SLCO3A1: variants seen among roughly 807,000 people sequenced by gnomAD.
SLCO3A1 encodes the protein PGE1 transporter.
In SLCO3A1, 27 loss-of-function variants were observed where a neutral mutation model predicts 63.1. That is an observed-to-expected ratio of 0.43 (90% CI 0.32 to 0.59). The LOEUF is 0.59. Ranked by LOEUF, SLCO3A1 falls within the 20% of genes least tolerant of loss-of-function variation. The pLI, the probability that SLCO3A1 is intolerant of heterozygous loss-of-function variation, is 0.09. For missense variants in SLCO3A1, 773 were observed against 945.8 expected (o/e 0.82, Z 2.40); for synonymous variants, 473 against 409.9 (o/e 1.15, Z -1.86).
Position 91,882,601 on chromosome 15 carries a change from G to A in SLCO3A1, c.180+28513G>A, listed in dbSNP as rs1240302487. On this transcript the variant is annotated intron_variant, in intron 1 of 9. Transcript: ENST00000318445. This position sits in a 1 kb window ranked among gnomAD's most constrained non-coding sequence, Gnocchi z 4.4. ...ATGATCTCAGCTCACTGCAACCTCC[G>A]CCTCCCGGGTTCAAGCGATTCTCTT... 5.3e-5 allele frequency among the ~76,000 whole-genome samples: 8 copies of A among 149,636 alleles called. No individual in the cohort carries two copies. The highest frequency in any genetic ancestry group is 4.4e-5 in the Non-Finnish European group (3 of 67,570).
chr15:91,910,769 C>T (rs1207707119), intron 1 of SLCO3A1, among the ~76,000 whole-genome samples: 4 of 152,226 alleles, frequency 2.6e-5, no homozygotes, highest in Admixed American at 2.0e-4. Flanking sequence ...CACGCCTCTA[C>T]CTGCATGCAT....
chr15:91,987,092 T>C (rs562557949), intron 2 of SLCO3A1, among the ~76,000 whole-genome samples: 1 of 152,310 alleles, frequency 6.6e-6, no homozygotes, highest in African/African-American at 2.4e-5. Flanking sequence ...AAGTTGCTTT[T>C]TATCGCTTAC....
chr15:92,172,091 CTGGGTCTCTAAAGAGT>C (rs1211145748), exon 11 of SLCO3A1: 9 of 488,104 alleles, frequency 1.8e-5, no homozygotes, highest in Non-Finnish European at 2.9e-5. Flanking sequence ...GGCATCTTTC[CTGGGTCTCTAAAGAGT>C]CATGCTGACC....
At chr15:92,104,996 T>C (rs1340951505) in intron 4 of SLCO3A1, among the ~76,000 whole-genome samples, 1 of 142,694 alleles carries the variant, frequency 7.0e-6, no homozygotes, top group Admixed American at 6.9e-5. Context: ...CCGCGCCCGG[T>C]GTAATCACAT....
intron 8 of SLCO3A1, among the ~76,000 whole-genome samples, chr15:92,147,489 GC>G (rs2048243362): frequency 6.6e-6 from 1 of 152,102 alleles, no homozygotes; most frequent in Non-Finnish European, 1.5e-5. Flanking sequence ...TCAGTGCCCA[GC>G]CCCCACCACC....
chr15:91,918,409 G>T (rs1422005769), intron 2 of SLCO3A1, among the ~76,000 whole-genome samples: 2 of 152,180 alleles, frequency 1.3e-5, no homozygotes, highest in African/African-American at 4.8e-5. Flanking sequence ...CATCTTGGTG[G>T]CTCTGTTACA....
intron 1 of SLCO3A1, among the ~76,000 whole-genome samples, chr15:91,866,712 C>T (rs1897174551): frequency 6.6e-6 from 1 of 151,510 alleles, no homozygotes; most frequent in Admixed American, 6.6e-5. Flanking sequence ...GTTGATTTAT[C>T]GTGGGGGGGG....
chr15:92,012,590 G>A (rs1451362239), intron 2 of SLCO3A1, among the ~76,000 whole-genome samples: 1 of 152,124 alleles, frequency 6.6e-6, no homozygotes, highest in Non-Finnish European at 1.5e-5. Context: ...AGACTGTGAT[G>A]AAGAACCTTG....
intron 2 of SLCO3A1, among the ~76,000 whole-genome samples, chr15:91,987,742 T>TAA (rs35508138): frequency 0.47 from 65,579 of 138,094 alleles, 16,560 homozygotes; most frequent in East Asian, 0.71. Flanking sequence ...AGACTTTGTC[T>TAA]AAAAAAAAAA....
At position 91,865,512 on chromosome 15, in the gene SLCO3A1, G is replaced by A. The variant is rs371842171; in HGVS notation, c.180+11424G>A. 5.9e-5 allele frequency among the ~76,000 whole-genome samples: 9 copies of A among 152,270 alleles called. No homozygotes were observed. The highest frequency in any genetic ancestry group is 2.2e-4 in the African/African-American group (9 of 41,536). On this transcript the variant is annotated intron_variant, in intron 1 of 9. Coordinates refer to ENST00000318445, the MANE Select transcript of SLCO3A1 (RefSeq NM_013272.4). This position sits in a 1 kb window ranked among gnomAD's most constrained non-coding sequence, Gnocchi z 4.6. ...AATTTTTTGTCTGACAGTCCTGCAG[G>A]CCAGAAGTCTGAAATCAGGGCATCA...
chr15:92,141,307 A>G (rs929935850), intron 7 of SLCO3A1, among the ~76,000 whole-genome samples: 3 of 152,186 alleles, frequency 2.0e-5, no homozygotes, highest in African/African-American at 7.2e-5. Context: ...TCATAAACTA[A>G]TCTGAAATCT....
intron 4 of SLCO3A1, among the ~76,000 whole-genome samples, chr15:92,105,536 T>A (rs559260424): frequency 1.5e-4 from 23 of 152,302 alleles, no homozygotes; most frequent in African/African-American, 5.3e-4. Context: ...CCAAGTTGTT[T>A]CCATCTTCGG....
At chr15:92,065,979 T>C (rs927847102) in intron 2 of SLCO3A1, among the ~76,000 whole-genome samples, 106 of 152,318 alleles carry the variant, frequency 7.0e-4, no homozygotes, top group African/African-American at 2.4e-3. Context: ...AAACTTTCCT[T>C]AGATGGAAAG....
chr15:92,064,183 G>A (rs756391948), intron 2 of SLCO3A1, among the ~76,000 whole-genome samples: 17 of 152,318 alleles, frequency 1.1e-4, no homozygotes, highest in Admixed American at 9.2e-4. Flanking sequence ...ACTTGGCTTC[G>A]AGGTCCTCCC....
chr15:91,992,014 A>G (rs1301873987), intron 2 of SLCO3A1, among the ~76,000 whole-genome samples: 1 of 152,204 alleles, frequency 6.6e-6, no homozygotes, highest in African/African-American at 2.4e-5. Context: ...AGACTTTCAT[A>G]AGTCCATCGT....
intron 2 of SLCO3A1, among the ~76,000 whole-genome samples, chr15:91,966,477 A>G (rs1280898621): frequency 6.6e-6 from 1 of 152,184 alleles, no homozygotes; most frequent in East Asian, 1.9e-4. Flanking sequence ...ATGCAACATC[A>G]CTGTCCCCAG....
chr15:92,041,939 G>T (rs2046804212), intron 2 of SLCO3A1, among the ~76,000 whole-genome samples: 1 of 151,974 alleles, frequency 6.6e-6, no homozygotes, highest in South Asian at 2.1e-4. Context: ...AGGAAGTATG[G>T]TGGGGGTGGG....
At chr15:91,935,054 A>G (rs940793702) in intron 2 of SLCO3A1, among the ~76,000 whole-genome samples, 1 of 152,186 alleles carries the variant, frequency 6.6e-6, no homozygotes, top group Non-Finnish European at 1.5e-5. Context: ...CCTGGGTTCA[A>G]GCAATTTTCC....
intron 2 of SLCO3A1, among the ~76,000 whole-genome samples, chr15:91,953,044 A>C (rs1375139080): frequency 6.6e-6 from 1 of 152,224 alleles, no homozygotes; most frequent in Non-Finnish European, 1.5e-5. Context: ...CATCAACCTC[A>C]GTGGAAGCTG....
Sources: allele counts gnomAD v4.1 joint callset (sites outside exome capture counted in the v4.1 genomes callset), GRCh38; gene constraint gnomAD v4.1.1; non-coding constraint Gnocchi (gnomAD v3.1); transcripts MANE v1.5; gene names NCBI Gene and HGNC (gene_info 2026-07-23, HGNC 2026-07-21).